AFF3: variants seen among roughly 807,000 people sequenced by gnomAD.
AFF3 encodes ALF transcription elongation factor 3.
In AFF3, 32 loss-of-function variants were observed where a neutral mutation model predicts 129.7. The observed-to-expected ratio is 0.25, with a 90% CI of 0.19 to 0.33. AFF3 has a LOEUF of 0.33. AFF3 is among the 10% of genes least tolerant of loss of function. AFF3 has a pLI of 1.00. For missense variants in AFF3, 1,373 were observed against 1,592.0 expected (o/e 0.86, Z 2.34); for synonymous variants, 644 against 635.4 (o/e 1.01, Z -0.20).
intron 7 of AFF3, among the ~76,000 whole-genome samples, chr2:99,913,732 A>G (rs1455200651): frequency 6.6e-6 from 1 of 152,152 alleles, no homozygotes; most frequent in East Asian, 1.9e-4. Context: ...GCTATACTGG[A>G]AAAAGAAATA....
intron 4 of AFF3, among the ~76,000 whole-genome samples, chr2:100,076,770 T>C (rs1185287979): frequency 6.6e-6 from 1 of 152,202 alleles, no homozygotes; most frequent in Non-Finnish European, 1.5e-5. Flanking sequence ...ATAAAAATGA[T>C]TTAATCTGCT....
chr2:99,674,051 C>T (rs1687402316), intron 11 of AFF3, among the ~76,000 whole-genome samples: 1 of 152,220 alleles, frequency 6.6e-6, no homozygotes, highest in Non-Finnish European at 1.5e-5. Context: ...AACGGAGAAA[C>T]TTCTAAGTAG....
chr2:99,724,885 A>G lies in AFF3; in HGVS notation c.1091+2192T>C, dbSNP rs375764815. ...AAGAAACCGTTTTGCTCAAAGAGGC[A>G]GGAATATGGGGTGATGCTTCAAGCT... On this transcript the variant is annotated intron_variant, in intron 11 of 24. Transcript: ENST00000672756. 1.7e-4 allele frequency among the ~76,000 whole-genome samples: 26 copies of G among 152,340 alleles called. 1 individual carries two copies. Among genetic ancestry groups the G allele is most frequent in the South Asian group, 1.7e-3 (8 of 4,824 alleles).
intron 11 of AFF3, among the ~76,000 whole-genome samples, chr2:99,706,123 C>T (rs11689211): frequency 0.26 from 40,071 of 151,904 alleles, 5,436 homozygotes; most frequent in African/African-American, 0.3. Flanking sequence ...TGGGACCTCT[C>T]GAGTTACGAT....
At chr2:99,997,483 C>CCT (rs1559042936) in intron 7 of AFF3, among the ~76,000 whole-genome samples, 2 of 151,782 alleles carry the variant, frequency 1.3e-5, no homozygotes, top group African/African-American at 4.8e-5. Context: ...TCACCCCCCC[C>CCT]CCAGATTAGC....
intron 11 of AFF3, among the ~76,000 whole-genome samples, chr2:99,675,349 G>GTGA (rs1391719804): frequency 6.6e-6 from 1 of 152,144 alleles, no homozygotes; most frequent in African/African-American, 2.4e-5. Context: ...GCAATCCTGG[G>GTGA]TGATGCTATT....
chr2:100,044,978 A>G (rs1368041616), intron 4 of AFF3, among the ~76,000 whole-genome samples: 1 of 152,094 alleles, frequency 6.6e-6, no homozygotes, highest in East Asian at 1.9e-4. Context: ...TGTGGACAAG[A>G]CGGCAATCTG....
intron 8 of AFF3, among the ~76,000 whole-genome samples, chr2:99,787,860 AGTT>A (rs1174553229): frequency 1.3e-5 from 2 of 152,176 alleles, no homozygotes; most frequent in Non-Finnish European, 2.9e-5. Flanking sequence ...CGCCTCCTAA[AGTT>A]GTTATGATAC....
intron 7 of AFF3, among the ~76,000 whole-genome samples, chr2:99,974,026 C>G (rs1678640831): frequency 6.6e-6 from 1 of 152,174 alleles, no homozygotes; most frequent in Admixed American, 6.5e-5. Flanking sequence ...ACAATTTCAC[C>G]TGTGATTTTC....
chr2:99,661,068 T>C lies in AFF3; in HGVS notation c.1144-11402A>G, dbSNP rs1406312244. 2.6e-5 allele frequency among the ~76,000 whole-genome samples: 4 copies of C among 152,326 alleles called. 1 individual carries two copies. The highest frequency in any genetic ancestry group is 4.1e-4 in the South Asian group (2 of 4,824). ...ATCCTTTACTATATGACACTGCCCA[T>C]GCCTGGAAATGAGGGATAGCGTATA... is the stretch of plus-strand genomic sequence containing the variant. On this transcript the variant is annotated intron_variant, in intron 12 of 24. Coordinates refer to ENST00000672756, the MANE Select transcript of AFF3 (RefSeq NM_001386135.1).
intron 4 of AFF3, among the ~76,000 whole-genome samples, chr2:100,041,413 T>G (rs1001493405): frequency 6.6e-6 from 1 of 152,238 alleles, no homozygotes. Flanking sequence ...TCTTCAATGT[T>G]CTGTGTTCAG....
intron 20 of AFF3, among the ~76,000 whole-genome samples, chr2:99,563,221 C>T (rs1007081277): frequency 4.6e-5 from 7 of 151,314 alleles, no homozygotes; most frequent in Admixed American, 2.6e-4. Context: ...GACAGAGTCT[C>T]GCTCTGTCGC....
intron 12 of AFF3, among the ~76,000 whole-genome samples, chr2:99,661,639 G>A (rs551183967): frequency 7.9e-5 from 12 of 152,148 alleles, no homozygotes; most frequent in Non-Finnish European, 1.6e-4. Flanking sequence ...AGGAAACAGC[G>A]TTATGAGTCT....
chr2:100,010,575 TCCAAC>T (rs1370288557), intron 4 of AFF3, among the ~76,000 whole-genome samples: 1 of 152,094 alleles, frequency 6.6e-6, no homozygotes, highest in East Asian at 1.9e-4. Flanking sequence ...GATTTGGGAG[TCCAAC>T]CAGTGACCTT....
intron 7 of AFF3, among the ~76,000 whole-genome samples, chr2:99,892,065 G>A (rs1347111289): frequency 1.3e-5 from 2 of 151,910 alleles, no homozygotes; most frequent in Non-Finnish European, 2.9e-5. Context: ...CTCGTGATCC[G>A]CCCGCCTTGG....
intron 7 of AFF3, among the ~76,000 whole-genome samples, chr2:99,870,975 T>C (rs193187102): frequency 5.8e-4 from 88 of 152,304 alleles, no homozygotes; most frequent in African/African-American, 2.1e-3. Context: ...TAATTACAGA[T>C]TGCACATCCC....
At chr2:99,605,116 T>C (rs1680199065) in intron 13 of AFF3, among the ~76,000 whole-genome samples, 3 of 152,250 alleles carry the variant, frequency 2.0e-5, no homozygotes, top group Admixed American at 2.0e-4. Context: ...TGAGGCACAC[T>C]AGCCCAAGGA....
chr2:99,978,221 G>T (rs992372240), intron 7 of AFF3, among the ~76,000 whole-genome samples: 7 of 152,118 alleles, frequency 4.6e-5, no homozygotes, highest in Non-Finnish European at 8.8e-5. Flanking sequence ...AGTTAAGACT[G>T]CTCACAGAAC....
intron 7 of AFF3, among the ~76,000 whole-genome samples, chr2:99,925,616 C>T (rs931616744): frequency 2.0e-5 from 3 of 152,198 alleles, no homozygotes; most frequent in Non-Finnish European, 4.4e-5. Flanking sequence ...AGACAGTATG[C>T]TGAACTCTCA....
Sources: allele counts gnomAD v4.1 joint callset (sites outside exome capture counted in the v4.1 genomes callset), GRCh38; gene constraint gnomAD v4.1.1; transcripts MANE v1.5; gene names NCBI Gene and HGNC (gene_info 2026-07-23, HGNC 2026-07-21).